Variants in EPHA6 observed in about 807,000 individuals in gnomAD.
EPHA6 encodes the protein ephrin type-A receptor 6.
EPHA6 carries 50 observed loss-of-function variants against 112.0 expected under a neutral mutation model. That is an observed-to-expected ratio of 0.45 (90% CI 0.36 to 0.56). EPHA6 has a LOEUF of 0.56. EPHA6 is among the 20% of genes least tolerant of loss of function. The pLI is 0.00. For missense variants in EPHA6, 1,280 were observed against 1,417.4 expected (o/e 0.90, Z 1.56); for synonymous variants, 529 against 490.7 (o/e 1.08, Z -1.03).
At chr3:97,548,114 G>T (rs1307713470) in intron 11 of EPHA6, among the ~76,000 whole-genome samples, 5 of 152,168 alleles carry the variant, frequency 3.3e-5, no homozygotes, top group African/African-American at 9.7e-5. Flanking sequence ...GATGAACCCG[G>T]TTCCTCAGTT....
chr3:97,267,428 C>A (rs753291211), intron 5 of EPHA6, among the ~76,000 whole-genome samples: 3 of 151,744 alleles, frequency 2.0e-5, no homozygotes, highest in Non-Finnish European at 4.4e-5. Context: ...AGTTTAAGAT[C>A]AATAGAAAGG....
intron 10 of EPHA6, among the ~76,000 whole-genome samples, chr3:97,507,382 G>A (rs899530139): frequency 1.3e-5 from 2 of 152,076 alleles, no homozygotes; most frequent in African/African-American, 2.4e-5. Context: ...AAGGAGTGTC[G>A]AATTTTATCG....
chr3:97,051,242 C>T (rs1203590306), intron 3 of EPHA6, among the ~76,000 whole-genome samples: 1 of 152,138 alleles, frequency 6.6e-6, no homozygotes. Context: ...ACCACTGGGA[C>T]ATTTAGGATT....
intron 14 of EPHA6, among the ~76,000 whole-genome samples, chr3:97,719,786 C>A (rs1304432740): frequency 1.3e-5 from 2 of 152,058 alleles, no homozygotes; most frequent in African/African-American, 4.8e-5. Flanking sequence ...ACAAAGGGAA[C>A]AAATAAAATT....
intron 4 of EPHA6, among the ~76,000 whole-genome samples, chr3:97,237,286 T>C (rs1012543528): frequency 9.2e-5 from 14 of 151,988 alleles, no homozygotes; most frequent in Non-Finnish European, 4.4e-5. Context: ...ATTTTTAAAA[T>C]TAAAATAACC....
intron 5 of EPHA6, among the ~76,000 whole-genome samples, chr3:97,299,070 C>T (rs1011801317): frequency 2.0e-5 from 3 of 151,898 alleles, no homozygotes; most frequent in Non-Finnish European, 2.9e-5. Flanking sequence ...AATTTTTTCT[C>T]AATGTTTACA....
chr3:97,078,059 T>C (rs1295519574), intron 3 of EPHA6, among the ~76,000 whole-genome samples: 1 of 152,134 alleles, frequency 6.6e-6, no homozygotes, highest in Non-Finnish European at 1.5e-5. Context: ...GTACCTGTTG[T>C]TTCCTGACTT....
chr3:97,240,111 A>G (rs980192554), intron 4 of EPHA6, among the ~76,000 whole-genome samples: 6 of 151,854 alleles, frequency 4.0e-5, no homozygotes, highest in Admixed American at 2.0e-4. Flanking sequence ...GAAAAAATTT[A>G]ATAAACAAAA....
intron 3 of EPHA6, among the ~76,000 whole-genome samples, chr3:97,072,963 G>A (rs916743717): frequency 2.6e-5 from 4 of 152,146 alleles, no homozygotes; most frequent in East Asian, 1.9e-4. Flanking sequence ...CTCACAGCAT[G>A]TGGGTTTTCC....
chr3:97,641,601 G>A (rs1407969158), intron 14 of EPHA6, among the ~76,000 whole-genome samples: 9 of 152,254 alleles, frequency 5.9e-5, no homozygotes, highest in African/African-American at 1.7e-4. Flanking sequence ...TGCGCGAGCC[G>A]AAGCAGAGCG....
chr3:97,335,867 G>A (rs765195134), intron 5 of EPHA6, among the ~76,000 whole-genome samples: 12 of 152,042 alleles, frequency 7.9e-5, no homozygotes, highest in Non-Finnish European at 1.8e-4. Flanking sequence ...TGAATCAGGA[G>A]TTCTGCTTGG....
chr3:97,483,604 C>T (rs2091617299), intron 9 of EPHA6, among the ~76,000 whole-genome samples: 1 of 152,166 alleles, frequency 6.6e-6, no homozygotes, highest in African/African-American at 2.4e-5. Flanking sequence ...TTTCCCCATT[C>T]CCCAAGCTAG....
At chr3:96,828,805 C>A (rs1007627741) in intron 1 of EPHA6, among the ~76,000 whole-genome samples, 1 of 152,156 alleles carries the variant, frequency 6.6e-6, no homozygotes, top group Non-Finnish European at 1.5e-5. Flanking sequence ...CCAGTCTAGA[C>A]TGTCCTTGCT....
chr3:97,368,698 T>C (rs1418602068), intron 5 of EPHA6, among the ~76,000 whole-genome samples: 1 of 152,212 alleles, frequency 6.6e-6, no homozygotes, highest in African/African-American at 2.4e-5. Flanking sequence ...CATTACCCTC[T>C]TTAAGAATCT....
At chr3:97,036,486 A>G (rs1056028911) in intron 3 of EPHA6, among the ~76,000 whole-genome samples, 1 of 151,920 alleles carries the variant, frequency 6.6e-6, no homozygotes, top group Non-Finnish European at 1.5e-5. Flanking sequence ...TTGCATTTTA[A>G]TCTTTCTGGC....
intron 3 of EPHA6, among the ~76,000 whole-genome samples, chr3:97,081,357 G>C (rs563198951): frequency 6.6e-6 from 1 of 151,936 alleles, no homozygotes; most frequent in South Asian, 2.1e-4. Flanking sequence ...TCTCTCAATA[G>C]AAAATCAGGC....
At chr3:97,568,890 T>C (rs1044631367) in intron 11 of EPHA6, among the ~76,000 whole-genome samples, 4 of 152,174 alleles carry the variant, frequency 2.6e-5, no homozygotes, top group South Asian at 4.1e-4. Flanking sequence ...AGAGTGGATG[T>C]CATCGGATGG....
intron 5 of EPHA6, among the ~76,000 whole-genome samples, chr3:97,276,080 T>TACCCACA (rs1559845839): frequency 6.6e-6 from 1 of 152,114 alleles, no homozygotes; most frequent in Non-Finnish European, 1.5e-5. Flanking sequence ...ACAACAGTTA[T>TACCCACA]GGAGGCAAGG....
intron 3 of EPHA6, among the ~76,000 whole-genome samples, chr3:97,135,700 T>C (rs993209345): frequency 1.3e-5 from 2 of 151,232 alleles, no homozygotes; most frequent in Non-Finnish European, 2.9e-5. Flanking sequence ...TGCTGGTTCC[T>C]GCTACTGCTG....
Sources: gnomAD v4.1 joint callset for allele counts (sites outside exome capture counted in the v4.1 genomes callset) on GRCh38, gnomAD v4.1.1 for gene constraint, MANE v1.5 for transcripts, NCBI Gene and HGNC (gene_info 2026-07-23, HGNC 2026-07-21) for gene names.